Variants in SLC20A2 observed in about 807,000 individuals in gnomAD.
The protein encoded by SLC20A2 is solute carrier family 20 member 2, also known as sodium-dependent phosphate transporter 2.
A neutral mutation model predicts 61.0 loss-of-function variants in SLC20A2; 30 were observed. The observed-to-expected ratio is 0.49, with a 90% CI of 0.37 to 0.67. The LOEUF is 0.67. Among genes scored for constraint, SLC20A2 ranks in the 30% least tolerant of loss-of-function variants. The probability of loss-of-function intolerance (pLI) is 0.00; values close to 1 mark genes in which losing one functional copy is unlikely to be tolerated. For synonymous variants in SLC20A2, 351 were observed against 353.3 expected (o/e 0.99, Z 0.07); for missense variants, 626 against 866.4 (o/e 0.72, Z 3.48).
intron 8 of SLC20A2, among the ~76,000 whole-genome samples, chr8:42,431,454 A>C (rs1488651530): frequency 2.6e-5 from 4 of 152,258 alleles, no homozygotes; most frequent in Non-Finnish European, 4.4e-5. Context: ...CTGGAGGTTT[A>C]AGGAAAGAAG....
intron 1 of SLC20A2, among the ~76,000 whole-genome samples, chr8:42,475,050 AT>A (rs1357784862): frequency 6.6e-6 from 1 of 152,102 alleles, no homozygotes; most frequent in African/African-American, 2.4e-5. Context: ...ACTGGCCACC[AT>A]GTGGACAGTG....
At position 42,462,965 on chromosome 8, in the gene SLC20A2, T is replaced by C. The variant is rs373243394; in HGVS notation, c.516+40A>G. The C allele has an allele frequency of 5.4e-5, 69 of 1,286,524 alleles. No homozygotes were observed. In the African/African-American group the frequency reaches 9.8e-4, roughly 18 times the overall value. 79.7% of individuals were successfully genotyped at this position (1,286,524 alleles called of 1,614,324 possible). ...AATTTCTACTGAGTAGAGCCAAAAA[T>C]AGTTCTTAAGATTTAATTAAAAGTA... On this transcript the variant is annotated intron_variant, in intron 4 of 10. Coordinates refer to ENST00000520262, the MANE Select transcript of SLC20A2 (RefSeq NM_001257180.2).
At chr8:42,486,798 T>C (rs907998853) in intron 1 of SLC20A2, among the ~76,000 whole-genome samples, 1 of 152,340 alleles carries the variant, frequency 6.6e-6, no homozygotes. Context: ...TTTGGCTAAG[T>C]TGTCTGGATG....
At chr8:42,469,511 G>A (rs1419159957) in intron 2 of SLC20A2, among the ~76,000 whole-genome samples, 2 of 152,186 alleles carry the variant, frequency 1.3e-5, no homozygotes, top group African/African-American at 4.8e-5. Flanking sequence ...GTGAGCAGAT[G>A]AAGCCTTGTT....
intron 1 of SLC20A2, chr8:42,538,148 G>C (rs915760163): frequency 2.6e-5 from 4 of 151,440 alleles, no homozygotes; most frequent in African/African-American, 9.7e-5. Flanking sequence ...CTACCATTTT[G>C]AGTATCTTTG....
intron 8 of SLC20A2, among the ~76,000 whole-genome samples, chr8:42,433,898 G>A (rs184446937): frequency 8.3e-4 from 127 of 152,290 alleles, no homozygotes; most frequent in Non-Finnish European, 1.4e-3. Context: ...GGGTCATAGG[G>A]GAGGTCTGTT....
At chr8:42,525,581 CAAAAAAA>C (rs34356863) in intron 1 of SLC20A2, among the ~76,000 whole-genome samples, 156 of 68,738 alleles carry the variant, frequency 2.3e-3, no homozygotes, top group African/African-American at 6.9e-3. Context: ...GACTCTGTCT[CAAAAAAA>C]AAAAAAAAAA....
intron 2 of SLC20A2, 98 bp from the exon 3 acceptor site, chr8:42,466,015 A>G: frequency 9.2e-7 from 1 of 1,091,178 alleles, no homozygotes; most frequent in Non-Finnish European, 1.3e-6. Context: ...CATCTCCCAG[A>G]GTTTAATTTT....
At chr8:42,533,209 A>T (rs1812450185) in intron 1 of SLC20A2, among the ~76,000 whole-genome samples, 2 of 152,226 alleles carry the variant, frequency 1.3e-5, no homozygotes, top group Non-Finnish European at 2.9e-5. Flanking sequence ...CTCAATTTAC[A>T]GAAGAAAAAA....
intron 10 of SLC20A2, among the ~76,000 whole-genome samples, chr8:42,423,654 C>T (rs1415998036): frequency 6.6e-6 from 1 of 152,128 alleles, no homozygotes; most frequent in African/African-American, 2.4e-5. Context: ...TCTTCATATT[C>T]CCACATACTT....
chr8:42,435,725 C>A (rs2130994919), intron 8 of SLC20A2, among the ~76,000 whole-genome samples: 1 of 152,306 alleles, frequency 6.6e-6, no homozygotes, highest in Middle Eastern at 3.4e-3. Context: ...TGTGGAGTGA[C>A]CTGCAGGCTC....
At chr8:42,531,743 GAC>G (rs1812333468) in intron 1 of SLC20A2, among the ~76,000 whole-genome samples, 1 of 151,612 alleles carries the variant, frequency 6.6e-6, no homozygotes, top group Non-Finnish European at 1.5e-5. Flanking sequence ...ATTACAAAAT[GAC>G]ACAGGTTAAT....
rs140083243 is a variant in SLC20A2 at position 42,427,687 on chromosome 8, C to T, written c.1794+1071G>A. ...TGCGTGGAGCCCCAGCTTTGAAACA[C>T]GCTGCTGGGCCACTCCAGATACTCT... On this transcript the variant is annotated intron_variant, in intron 10 of 10. Transcript: ENST00000520262. 5.1e-3 allele frequency among the ~76,000 whole-genome samples: 774 copies of T among 152,308 alleles called. 6 individuals are homozygous for T. The highest frequency in any genetic ancestry group is 0.017 in the African/African-American group (695 of 41,568).
upstream of SLC20A2, among the ~76,000 whole-genome samples, chr8:42,503,693 A>G (rs1810458401): frequency 1.3e-5 from 2 of 152,224 alleles, no homozygotes; most frequent in South Asian, 4.1e-4. Flanking sequence ...CAATTAGTAC[A>G]TTCCAATCTG....
rs371770684 is a variant in SLC20A2 at position 42,459,995 on chromosome 8, G to A, written c.517-3C>T. The A allele has an allele frequency of 9.0e-6, 14 of 1,550,958 alleles. No homozygotes were observed. The African/African-American group carries it at 1.2e-4, about 14-fold the overall frequency. ...AGGCCATTGGGAACAGGGTCTTCCTGTAGGAAGACAAGGAGACAGAGTGGA... is the reference window on the plus strand; with the variant it reads ...AGGCCATTGGGAACAGGGTCTTCCTATAGGAAGACAAGGAGACAGAGTGGA... On this transcript the variant is annotated splice_polypyrimidine_tract_variant and splice_region_variant and intron_variant, in intron 4 of 10. Transcript: ENST00000520262.
intron 10 of SLC20A2, among the ~76,000 whole-genome samples, chr8:42,422,922 TC>T (rs1379530856): frequency 6.6e-6 from 1 of 152,186 alleles, no homozygotes; most frequent in African/African-American, 2.4e-5. Context: ...GTAGCCACTT[TC>T]CTCTCCCCTT....
rs1804400190 is a variant in SLC20A2, at chr8:42,437,661, C to T, written c.935-84G>A. ...TTGAGACGGAGCCTTGCTCTGTCCT[C>T]AGGGTGGAGTACAATGGCGCAATCT... is the stretch of plus-strand genomic sequence containing the variant. On this transcript the variant is annotated intron_variant, in intron 7 of 10. Transcript: ENST00000520262. The surrounding 1 kb of genome is among the most constrained non-coding windows in gnomAD (Gnocchi z 6.4). 2 of 1,184,198 alleles carry T rather than the reference C, an allele frequency of 1.7e-6. No homozygotes were observed. The highest frequency in any genetic ancestry group is 3.0e-5 in the Admixed American group (1 of 32,956). 73.4% of individuals were successfully genotyped at this position (1,184,198 alleles called of 1,614,324 possible).
intron 5 of SLC20A2, among the ~76,000 whole-genome samples, chr8:42,446,390 G>A (rs1172787921): frequency 6.6e-6 from 1 of 152,154 alleles, no homozygotes; most frequent in Non-Finnish European, 1.5e-5. Context: ...ACATTCATAT[G>A]TGCACAACTT....
intron 5 of SLC20A2, among the ~76,000 whole-genome samples, chr8:42,448,790 G>C (rs1325344737): frequency 6.6e-6 from 1 of 151,492 alleles, no homozygotes; most frequent in Non-Finnish European, 1.5e-5. Context: ...GTAGGTGAGA[G>C]GGGGAGCAGA....
Sources: gnomAD v4.1 joint callset for allele counts (sites outside exome capture counted in the v4.1 genomes callset) on GRCh38, gnomAD v4.1.1 for gene constraint, Gnocchi (gnomAD v3.1) non-coding constraint, MANE v1.5 for transcripts, NCBI Gene and HGNC (gene_info 2026-07-23, HGNC 2026-07-21) for gene names.